Variants in ITPK1 observed in about 807,000 individuals in gnomAD.
ITPK1 encodes inositol-tetrakisphosphate 1-kinase, also known as inositol 1,3,4-trisphosphate 5/6-kinase.
A neutral mutation model predicts 45.3 loss-of-function variants in ITPK1; 21 were observed. That is an observed-to-expected ratio of 0.46 (90% CI 0.33 to 0.67). The LOEUF (loss-of-function observed/expected upper bound fraction) is 0.67, where lower values mean the gene tolerates loss of function less well. Ranked by LOEUF, ITPK1 falls within the 30% of genes least tolerant of loss-of-function variation. The pLI, the probability that ITPK1 is intolerant of heterozygous loss-of-function variation, is 0.02. For synonymous variants in ITPK1, 258 were observed against 253.6 expected, an observed-to-expected ratio of 1.02 and a Z score of -0.16; for missense variants, 474 against 573.5, an observed-to-expected ratio of 0.83 and a Z score of 1.77.
chr14:92,955,440 G>A (rs1211770237), intron 8 of ITPK1, among the ~76,000 whole-genome samples: 1 of 152,186 alleles, frequency 6.6e-6, no homozygotes, highest in African/African-American at 2.4e-5. Flanking sequence ...GTAAAGACGA[G>A]CAAGAAATAA....
intron 5 of ITPK1, among the ~76,000 whole-genome samples, chr14:92,983,960 G>C (rs77225095): frequency 0.012 from 1,768 of 152,308 alleles, 51 homozygotes; most frequent in African/African-American, 0.041. Context: ...GGCTAACATG[G>C]AAAGAAGCGA....
chr14:92,972,850 A>C (rs1815226), intron 5 of ITPK1, among the ~76,000 whole-genome samples: 35,227 of 152,090 alleles, frequency 0.23, 4,786 homozygotes, highest in African/African-American at 0.36. Flanking sequence ...CTCGGCCTCC[A>C]AAAGTGTTGG....
At chr14:92,991,995 C>T (rs1478855558) in intron 5 of ITPK1, among the ~76,000 whole-genome samples, 2 of 152,206 alleles carry the variant, frequency 1.3e-5, no homozygotes, top group Non-Finnish European at 2.9e-5. Context: ...TTCCAGAACA[C>T]CAGCAGAACT....
chr14:92,958,273 C>CAGGA lies in ITPK1; in HGVS notation c.597_598insTCCT (p.Val200SerfsTer28). On this transcript the variant is annotated frameshift_variant, in exon 8 of 11. Coordinates refer to ENST00000267615, the MANE Select transcript of ITPK1 (RefSeq NM_014216.6). LOFTEE classifies it high-confidence loss of function. The surrounding 1 kb of genome is among the most constrained non-coding windows in gnomAD (Gnocchi z 4.4). The stretch of plus-strand genomic sequence containing the variant: ...GTGTAGGACTCGCCAACCACGAACA[C>CAGGA]CTTGTACAGGACGGCGTTGTGGTTG... 6.2e-7 allele frequency: 1 copy of CAGGA among 1,614,180 alleles called. No homozygotes were observed. The highest frequency in any genetic ancestry group is 1.1e-5 in the South Asian group (1 of 91,074).
At chr14:93,099,387 G>A (rs1434502237) in intron 2 of ITPK1, among the ~76,000 whole-genome samples, 2 of 152,160 alleles carry the variant, frequency 1.3e-5, no homozygotes, top group African/African-American at 2.4e-5. Flanking sequence ...TACATAACAC[G>A]AGATTGTTTA....
chr14:93,040,150 C>A (rs1889499222), intron 3 of ITPK1, among the ~76,000 whole-genome samples: 1 of 152,248 alleles, frequency 6.6e-6, no homozygotes, highest in Non-Finnish European at 1.5e-5. Context: ...ACACGTCTGG[C>A]AGGCTCTTTA....
chr14:93,085,155 A>G (rs1031860635), intron 2 of ITPK1, among the ~76,000 whole-genome samples: 1 of 152,264 alleles, frequency 6.6e-6, no homozygotes, highest in Non-Finnish European at 1.5e-5. Context: ...TTTTCCTCCT[A>G]TTAACAGTGC....
intron 7 of ITPK1, among the ~76,000 whole-genome samples, chr14:92,959,403 C>T (rs955879478): frequency 1.3e-5 from 2 of 152,248 alleles, no homozygotes; most frequent in Admixed American, 6.5e-5. Context: ...GGAGCGCCGG[C>T]CCTACGTGCC....
chr14:93,056,021 C>T (rs906054675), intron 3 of ITPK1, among the ~76,000 whole-genome samples: 2 of 152,168 alleles, frequency 1.3e-5, no homozygotes, highest in African/African-American at 4.8e-5. Context: ...AGGAGAGCTC[C>T]AGTGAAACTG....
At chr14:93,081,321 G>A (rs922677453) in intron 2 of ITPK1, among the ~76,000 whole-genome samples, 10 of 145,344 alleles carry the variant, frequency 6.9e-5, no homozygotes, top group East Asian at 2.0e-4. Flanking sequence ...GCAACAGAGC[G>A]AGATGCCGTC....
chr14:92,984,436 T>C (rs771849373), intron 5 of ITPK1, among the ~76,000 whole-genome samples: 1 of 152,240 alleles, frequency 6.6e-6, no homozygotes, highest in East Asian at 1.9e-4. Flanking sequence ...ATATTTTCCA[T>C]CTCTGAAATT....
chr14:93,088,193 T>C (rs1451769700), intron 2 of ITPK1, among the ~76,000 whole-genome samples: 3 of 152,042 alleles, frequency 2.0e-5, no homozygotes, highest in Non-Finnish European at 2.9e-5. Flanking sequence ...CCAGGCCTGC[T>C]CTCCCTGTCC....
chr14:93,004,894 A>G (rs1030236500), intron 4 of ITPK1, among the ~76,000 whole-genome samples: 30 of 151,908 alleles, frequency 2.0e-4, no homozygotes, highest in Non-Finnish European at 2.8e-4. Flanking sequence ...CAGAGGGGAC[A>G]GCAAAAGCAG....
At chr14:92,989,668 G>A (rs999802857) in intron 5 of ITPK1, among the ~76,000 whole-genome samples, 2 of 152,072 alleles carry the variant, frequency 1.3e-5, no homozygotes, top group Admixed American at 6.5e-5. Context: ...TTGTTACTGC[G>A]GCCTCCTCCC....
intron 2 of ITPK1, among the ~76,000 whole-genome samples, chr14:93,113,255 G>C (rs540376514): frequency 5.3e-5 from 8 of 152,176 alleles, no homozygotes; most frequent in Non-Finnish European, 8.8e-5. Flanking sequence ...TGATAGCATA[G>C]CTTGCTCTGA....
At chr14:92,942,918 C>T (rs572329454) in intron 10 of ITPK1, among the ~76,000 whole-genome samples, 2 of 152,250 alleles carry the variant, frequency 1.3e-5, no homozygotes, top group Non-Finnish European at 2.9e-5. Context: ...CAACCATCAG[C>T]CCCACCAGGG....
chr14:93,006,323 C>G (rs1466765256), intron 4 of ITPK1, among the ~76,000 whole-genome samples: 1 of 152,216 alleles, frequency 6.6e-6, no homozygotes, highest in African/African-American at 2.4e-5. Flanking sequence ...CCCTGGTGAA[C>G]AGAATGAATA....
chr14:92,977,763 C>T (rs781389587), intron 5 of ITPK1, among the ~76,000 whole-genome samples: 9 of 151,920 alleles, frequency 5.9e-5, no homozygotes, highest in Non-Finnish European at 1.3e-4. Flanking sequence ...CCAGCCATGC[C>T]TTCTGTATAG....
chr14:92,944,233 G>A (rs1887572377), intron 10 of ITPK1, among the ~76,000 whole-genome samples: 1 of 152,120 alleles, frequency 6.6e-6, no homozygotes, highest in African/African-American at 2.4e-5. Context: ...CAGGAGAACA[G>A]GCCTGCTGCT....
Sources: allele counts gnomAD v4.1 joint callset (sites outside exome capture counted in the v4.1 genomes callset), GRCh38; gene constraint gnomAD v4.1.1; non-coding constraint Gnocchi (gnomAD v3.1); transcripts MANE v1.5; gene names NCBI Gene and HGNC (gene_info 2026-07-23, HGNC 2026-07-21).